Variants in TLN2 observed in about 807,000 individuals in gnomAD.
TLN2 encodes the protein talin 2.
TLN2 carries 118 observed loss-of-function variants against 294.7 expected under a neutral mutation model. The observed-to-expected ratio is 0.40, with a 90% CI of 0.34 to 0.47. TLN2 has a LOEUF of 0.47. TLN2 is among the 20% of genes least tolerant of loss of function. TLN2 has a pLI of 0.84. For synonymous variants in TLN2, 1,431 were observed against 1,304.5 expected, an observed-to-expected ratio of 1.10 and a Z score of -2.09; for missense variants, 3,083 against 3,282.2, an observed-to-expected ratio of 0.94 and a Z score of 1.48.
At chr15:62,684,890 C>G (rs1029870382) in intron 11 of TLN2, among the ~76,000 whole-genome samples, 7 of 149,174 alleles carry the variant, frequency 4.7e-5, no homozygotes, top group African/African-American at 1.7e-4. Context: ...TGTTCCAGCT[C>G]TGTTTTATGT....
Position 62,750,262 on chromosome 15 carries a change from A to C in TLN2, c.4120-140A>C, listed in dbSNP as rs148776986. The C allele has an allele frequency of 1.6e-3, 1,114 of 696,900 alleles. 6 individuals carry two copies. In the East Asian group the frequency reaches 0.018, roughly 11 times the overall value. 43.2% of individuals were successfully genotyped at this position (696,900 alleles called of 1,614,324 possible). A position where few individuals can be genotyped will look rare whatever the true frequency, so the allele number is the denominator to read the frequency against. On this transcript the variant is annotated intron_variant, in intron 33 of 58. Coordinates refer to ENST00000636159, the MANE Select transcript of TLN2 (RefSeq NM_015059.3). ...ATCTGAAGTCATGATACCATGATGT[A>C]AATTCTCAAACATCTGAGTAAAAGT...
chr15:62,571,115 C>A (rs559732113), intron 1 of TLN2, among the ~76,000 whole-genome samples: 2 of 152,320 alleles, frequency 1.3e-5, no homozygotes, highest in Admixed American at 6.5e-5. Context: ...TAGCTATCTT[C>A]CTTTTCAGGC....
intron 14 of TLN2, among the ~76,000 whole-genome samples, chr15:62,695,446 T>A (rs1186504240): frequency 6.6e-6 from 1 of 152,142 alleles, no homozygotes; most frequent in Non-Finnish European, 1.5e-5. Context: ...GCAGGATCTA[T>A]CTTTCCCAGT....
At chr15:62,497,645 T>A (rs989478146) in intron 1 of TLN2, among the ~76,000 whole-genome samples, 5 of 152,378 alleles carry the variant, frequency 3.3e-5, no homozygotes, top group Non-Finnish European at 7.3e-5. Context: ...GGCTCAGTGA[T>A]AGCAAAGGCC....
intron 16 of TLN2, among the ~76,000 whole-genome samples, chr15:62,700,475 A>C (rs1401759603): frequency 6.6e-6 from 1 of 152,220 alleles, no homozygotes; most frequent in East Asian, 1.9e-4. Context: ...CCATGGTAGA[A>C]GAAGTATAAG....
intron 1 of TLN2, among the ~76,000 whole-genome samples, chr15:62,487,530 G>T (rs1156336678): frequency 6.6e-6 from 1 of 152,090 alleles, no homozygotes; most frequent in South Asian, 2.1e-4. Context: ...GTTCCCACTT[G>T]TCATTATAGA....
At chr15:62,799,006 C>T (rs189693718) in intron 48 of TLN2, among the ~76,000 whole-genome samples, 5 of 152,208 alleles carry the variant, frequency 3.3e-5, no homozygotes, top group African/African-American at 4.8e-5. Flanking sequence ...GAGCCGAGAT[C>T]ACGCCACTGC....
At position 62,640,600 on chromosome 15, in the gene TLN2, G is replaced by T. The variant is rs187696555; in HGVS notation, c.-36-6675G>T. On this transcript the variant is annotated intron_variant, in intron 3 of 58. Transcript: ENST00000636159. ...TGCCAGCCTTGCGCCAAAGGGTGAGGGCTTTTTCCCTCTTGAATTCTTAGG... is the reference window on the plus strand; with the variant it reads ...TGCCAGCCTTGCGCCAAAGGGTGAGTGCTTTTTCCCTCTTGAATTCTTAGG... 2.3e-3 allele frequency among the ~76,000 whole-genome samples: 344 copies of T among 152,094 alleles called. 3 individuals carry two copies. The highest frequency in any genetic ancestry group is 5.2e-3 in the South Asian group (25 of 4,812).
At chr15:62,786,896 T>G (rs776437773) in intron 45 of TLN2, among the ~76,000 whole-genome samples, 1 of 152,192 alleles carries the variant, frequency 6.6e-6, no homozygotes. Context: ...TAATAATAAT[T>G]CTATTACCAT....
chr15:62,466,686 C>T (rs1370842815), intron 1 of TLN2, among the ~76,000 whole-genome samples: 1 of 152,200 alleles, frequency 6.6e-6, no homozygotes, highest in Non-Finnish European at 1.5e-5. Flanking sequence ...TTTACTGTAG[C>T]CCTTCCAGTA....
rs539152254 is a variant in TLN2 at position 62,647,413 on chromosome 15, C to T, written c.103C>T (p.Arg35Trp). ...TGTGTACGATGCGTGTCGAGTCATT[C>T]GGGAACGGGTGCCTGAGGCACAAAC... ...TAVYDACRVIRERVPEAQTGQ... is the reference protein window; with the variant it reads ...TAVYDACRVIWERVPEAQTGQ... The change falls in exon 4 of 59, where the codon CGG (arginine) becomes TGG (tryptophan). Residue 35 changes from arginine to tryptophan, a missense_variant. Physicochemically the swap from Arg to Trp is moderately radical, Grantham distance 101 (BLOSUM62 -3). Transcript: ENST00000636159. 4.1e-5 allele frequency: 66 copies of T among 1,614,198 alleles called. No individual in the cohort carries two copies. The highest frequency in any genetic ancestry group is 3.4e-4 in the South Asian group (31 of 91,078).
chr15:62,588,242 A>AT (rs1191082827), intron 1 of TLN2, among the ~76,000 whole-genome samples: 2 of 152,088 alleles, frequency 1.3e-5, no homozygotes, highest in Admixed American at 6.6e-5. Flanking sequence ...TTGCTGTTAT[A>AT]TTTTTTAAGA....
chr15:62,484,362 C>T (rs2038268380), intron 1 of TLN2, among the ~76,000 whole-genome samples: 1 of 152,120 alleles, frequency 6.6e-6, no homozygotes, highest in South Asian at 2.1e-4. Flanking sequence ...GTAAGTTCAA[C>T]TGAAACGGAG....
chr15:62,513,414 C>T (rs914353989), intron 1 of TLN2, among the ~76,000 whole-genome samples: 3 of 152,206 alleles, frequency 2.0e-5, no homozygotes, highest in Non-Finnish European at 2.9e-5. Context: ...TGCGTTGTCT[C>T]TTCCTAGTGC....
At chr15:62,475,761 T>G (rs1567009145) in intron 1 of TLN2, among the ~76,000 whole-genome samples, 1 of 152,196 alleles carries the variant, frequency 6.6e-6, no homozygotes, top group Non-Finnish European at 1.5e-5. Flanking sequence ...CTGGTGCAAG[T>G]CATTTGGGAT....
chr15:62,708,977 C>T (rs2059249471), intron 21 of TLN2, among the ~76,000 whole-genome samples, 181 bp downstream of exon 21: 1 of 152,198 alleles, frequency 6.6e-6, no homozygotes, highest in African/African-American at 2.4e-5. Context: ...GTCATGCTTA[C>T]AGATTTCTAC....
chr15:62,675,161 A>G, intron 10 of TLN2, 56 bp from the exon 11 acceptor site: 1 of 1,544,206 alleles, frequency 6.5e-7, no homozygotes, highest in South Asian at 1.1e-5. Flanking sequence ...CCTCTCTCCA[A>G]GTCCACCTGC....
At chr15:62,829,168 T>TTATATATATATAATA (rs1306651004) in intron 54 of TLN2, 1 of 742 alleles carries the variant, frequency 1.3e-3, no homozygotes, top group Non-Finnish European at 0.014. Flanking sequence ...ATAATATATA[T>TTATATATATATAATA]TATATTATAT....
At position 62,707,139 on chromosome 15, in the gene TLN2, A is replaced by G. The variant is rs2059123474; in HGVS notation, c.2058A>G (p.Val686=). The G allele has an allele frequency of 1.2e-6, 2 of 1,614,090 alleles. No individual in the cohort carries two copies. The highest frequency in any genetic ancestry group is 1.3e-5 in the African/African-American group (1 of 74,942). Residue 686 remains valine (V), a synonymous_variant, in exon 20 of 59, where the codon GTA becomes GTG. Coordinates refer to ENST00000636159, the MANE Select transcript of TLN2 (RefSeq NM_015059.3). ...KAVANAAAML[V]LKAKNVAQVA... is the part of the protein sequence containing the mutation. ...TTGCCAATGCAGCTGCCATGTTGGT[A>G]CTAAAGGCAAAGAATGTTGCCCAAG... is the stretch of plus-strand genomic sequence containing the variant.
Sources: allele counts gnomAD v4.1 joint callset (sites outside exome capture counted in the v4.1 genomes callset), GRCh38; gene constraint gnomAD v4.1.1; transcripts MANE v1.5; gene names NCBI Gene and HGNC (gene_info 2026-07-23, HGNC 2026-07-21).